MPDZ: variants seen among roughly 807,000 people sequenced by gnomAD.
MPDZ encodes multiple PDZ domain crumbs cell polarity complex component.
MPDZ carries 234 observed loss-of-function variants against 239.1 expected under a neutral mutation model. The ratio of observed to expected loss-of-function variants is 0.98; its 90% CI spans 0.88 to 1.09. The LOEUF is 1.09. MPDZ is among the 50% of genes least tolerant of loss of function. The pLI, the probability that MPDZ is intolerant of heterozygous loss-of-function variation, is 0.00. For missense variants in MPDZ, 3,175 were observed against 2,510.0 expected, an observed-to-expected ratio of 1.26 and a Z score of -5.66; for synonymous variants, 1,048 against 881.3, an observed-to-expected ratio of 1.19 and a Z score of -3.35.
chr9:13,205,427 G>A (rs1482677705), intron 11 of MPDZ, among the ~76,000 whole-genome samples: 2 of 152,090 alleles, frequency 1.3e-5, no homozygotes, highest in Non-Finnish European at 2.9e-5. Context: ...GCTACACAGG[G>A]GTTTCAGTAA....
intron 27 of MPDZ, among the ~76,000 whole-genome samples, chr9:13,141,903 C>CCCTT (rs1428695492): frequency 6.6e-6 from 1 of 152,058 alleles, no homozygotes; most frequent in Non-Finnish European, 1.5e-5. Context: ...GTAAATGGAA[C>CCCTT]CCTTGTTATG....
intron 39 of MPDZ, among the ~76,000 whole-genome samples, chr9:13,115,815 G>A (rs1305754373): frequency 6.6e-6 from 1 of 151,828 alleles, no homozygotes; most frequent in East Asian, 1.9e-4. Flanking sequence ...CGTGGTGGCA[G>A]GCGCCTGTAG....
rs199978115 is a variant in MPDZ, at chr9:13,221,531, G to A, written c.748-31C>T. On this transcript the variant is annotated intron_variant, in intron 6 of 46. Transcript: ENST00000319217. ...AACAAAGCTCATATATGAATTTGTA[G>A]AAATTTACAAAGCACTACCATTTTA... The A allele has an allele frequency of 4.3e-4, 688 of 1,596,084 alleles. 5 individuals are homozygous for A. The African/African-American group carries it at 8.1e-3, about 19-fold the overall frequency.
At chr9:13,240,166 A>G (rs1965033943) in intron 3 of MPDZ, among the ~76,000 whole-genome samples, 1 of 152,046 alleles carries the variant, frequency 6.6e-6, no homozygotes. Context: ...CATTTCTAGG[A>G]GACAAACTGA....
intron 3 of MPDZ, among the ~76,000 whole-genome samples, chr9:13,238,605 T>C (rs1167722312): frequency 6.6e-6 from 1 of 152,166 alleles, no homozygotes; most frequent in Non-Finnish European, 1.5e-5. Context: ...ATGACGAACC[T>C]TGTGTATTTA....
intron 1 of MPDZ, among the ~76,000 whole-genome samples, chr9:13,253,414 G>A (rs1385056152): frequency 2.0e-5 from 3 of 152,020 alleles, no homozygotes; most frequent in Non-Finnish European, 4.4e-5. Flanking sequence ...TTTAAAAATT[G>A]TTCCTTTCTG....
chr9:13,151,463 A>G (rs1342201645), intron 24 of MPDZ, among the ~76,000 whole-genome samples: 4 of 152,164 alleles, frequency 2.6e-5, no homozygotes, highest in Non-Finnish European at 2.9e-5. Flanking sequence ...TTTAAAAATG[A>G]AATTCTGAAA....
intron 12 of MPDZ, among the ~76,000 whole-genome samples, chr9:13,204,144 A>G (rs1465670240): frequency 6.6e-6 from 1 of 152,208 alleles, no homozygotes; most frequent in Non-Finnish European, 1.5e-5. Context: ...CGGTATAAGT[A>G]TATTCACATG....
At chr9:13,191,430 A>T (rs1441891129) in intron 15 of MPDZ, among the ~76,000 whole-genome samples, 1 of 152,174 alleles carries the variant, frequency 6.6e-6, no homozygotes, top group African/African-American at 2.4e-5. Context: ...TGTATTGTGT[A>T]TCCTCAGAAA....
In MPDZ at chr9:13,126,881, T is replaced by C. The variant is rs192596862; in HGVS notation, c.4465-109A>G. The stretch of plus-strand genomic sequence containing the variant: ...CTAAAACTCTTCTGAAGTCCAGAAA[T>C]CTAAGACCTTAGACTTTAAATCTAA... On this transcript the variant is annotated intron_variant, in intron 32 of 46. Coordinates refer to ENST00000319217, the MANE Select transcript of MPDZ (RefSeq NM_001378778.1). 1.0e-3 allele frequency: 878 copies of C among 848,118 alleles called. 5 individuals are homozygous for C. The African/African-American group carries it at 0.013, about 13-fold the overall frequency. 52.5% of individuals were successfully genotyped at this position (848,118 alleles called of 1,614,324 possible).
At chr9:13,274,994 G>T (rs2139459403) in intron 1 of MPDZ, among the ~76,000 whole-genome samples, 1 of 152,276 alleles carries the variant, frequency 6.6e-6, no homozygotes, top group African/African-American at 2.4e-5. Context: ...TGAACATCCA[G>T]AGAAAGAAAA....
chr9:13,168,692 T>C (rs1012922676), intron 21 of MPDZ, 128 bp from the exon 22 acceptor site: 5 of 749,584 alleles, frequency 6.7e-6, no homozygotes, highest in African/African-American at 5.5e-5. Context: ...ATAAAAAGCA[T>C]AGCAAAAACA....
chr9:13,132,995 A>T (rs1204202840), intron 32 of MPDZ, among the ~76,000 whole-genome samples: 1 of 152,210 alleles, frequency 6.6e-6, no homozygotes, highest in Non-Finnish European at 1.5e-5. Context: ...CCATGAAAGG[A>T]TATTTAAAAA....
At position 13,162,731 on chromosome 9, in the gene MPDZ, T is replaced by C. The variant is rs1323432842; in HGVS notation, c.3319A>G (p.Arg1107Gly). The C allele has an allele frequency of 4.3e-6, 7 of 1,611,660 alleles. No individual in the cohort carries two copies. The highest frequency in any genetic ancestry group is 5.1e-6 in the Non-Finnish European group (6 of 1,178,580). ...GAAAAAATATCCAGTGCCATTACTCTTCCAGATTGTTGTCCCAAGCTTATT... is the reference window on the plus strand; with the variant it reads ...GAAAAAATATCCAGTGCCATTACTCCTCCAGATTGTTGTCCCAAGCTTATT... ...FKISLGQQSG[R>G]VMALDIFSSY... Residue 1107 changes from arginine to glycine, a missense_variant, in exon 23 of 47, where the codon AGA becomes GGA. Arg to Gly is a moderately radical substitution (Grantham distance 125). Coordinates refer to ENST00000319217, the MANE Select transcript of MPDZ (RefSeq NM_001378778.1).
chr9:13,198,289 T>C (rs1955904255), intron 12 of MPDZ, among the ~76,000 whole-genome samples: 1 of 152,114 alleles, frequency 6.6e-6, no homozygotes, highest in Non-Finnish European at 1.5e-5. Context: ...TAAAAGCCAT[T>C]TTAATAAGGG....
intron 32 of MPDZ, among the ~76,000 whole-genome samples, chr9:13,128,275 G>C (rs148821249): frequency 1.3e-5 from 2 of 152,192 alleles, no homozygotes; most frequent in East Asian, 3.9e-4. Flanking sequence ...TCACAGCTAG[G>C]TCAAAAAAGG....
rs369257227 is a variant in MPDZ, at chr9:13,110,784, G to A, written c.5725-44C>T. Reference sequence around the variant, plus strand: ...AACAGCCATCTGCTAAAGCAGCCATGGAGAGTGGGTCTTTGAGACCTAAGT... The same window carrying A: ...AACAGCCATCTGCTAAAGCAGCCATAGAGAGTGGGTCTTTGAGACCTAAGT... On this transcript the variant is annotated intron_variant, in intron 43 of 46. Coordinates refer to ENST00000319217, the MANE Select transcript of MPDZ (RefSeq NM_001378778.1). 3.1e-5 allele frequency: 45 copies of A among 1,447,158 alleles called. No homozygotes were observed. In the African/African-American group the frequency reaches 5.6e-4, roughly 18 times the overall value. 89.6% of individuals were successfully genotyped at this position (1,447,158 alleles called of 1,614,324 possible).
In MPDZ at chr9:13,109,930, T is replaced by A. The variant is rs764784953; in HGVS notation, c.5942+22A>T. ...GATTCATAAGTGAAAAATGATACAC[T>A]AATCATCATGTATGAACTCACCCTA... On this transcript the variant is annotated intron_variant, in intron 45 of 46. Transcript: ENST00000319217. The A allele has an allele frequency of 5.1e-6, 8 of 1,567,898 alleles. 1 individual carries two copies. The highest frequency in any genetic ancestry group is 4.5e-5 in the South Asian group (4 of 88,960).
rs1187185101 is a variant in MPDZ, at chr9:13,188,855, C to G, written c.2293G>C (p.Glu765Gln). 1 of 1,613,480 alleles carries G rather than the reference C, an allele frequency of 6.2e-7. No homozygotes were observed. Among genetic ancestry groups the G allele is most frequent in the Non-Finnish European group, 8.5e-7 (1 of 1,179,612 alleles). The stretch of plus-strand genomic sequence containing the variant: ...CCCTTCAGTGCTTCTACAGCTTCCT[C>G]AAGACTGCTGTTTTCCAAGTTAACA... ...NDVNLENSSL[E>Q]EAVEALKGAP... Residue 765 changes from glutamate to glutamine, a missense_variant, in exon 17 of 47, where the codon GAG becomes CAG. By Grantham distance (29) the Glu-to-Gln change is conservative. Coordinates refer to ENST00000319217, the MANE Select transcript of MPDZ (RefSeq NM_001378778.1).
Sources: allele counts gnomAD v4.1 joint callset (sites outside exome capture counted in the v4.1 genomes callset), GRCh38; gene constraint gnomAD v4.1.1; transcripts MANE v1.5; gene names NCBI Gene and HGNC (gene_info 2026-07-23, HGNC 2026-07-21).